The following FBXW11 variants were observed in gnomAD, a reference collection of about 807,000 sequenced individuals.
The protein encoded by FBXW11 is F-box and WD repeat domain containing 11.
A neutral mutation model predicts 77.6 loss-of-function variants in FBXW11; 19 were observed. The ratio of observed to expected loss-of-function variants is 0.24; its 90% CI spans 0.17 to 0.36. FBXW11 has a LOEUF of 0.36. Among genes scored for constraint, FBXW11 ranks in the 10% least tolerant of loss-of-function variants. The pLI, the probability that FBXW11 is intolerant of heterozygous loss-of-function variation, is 1.00. For missense variants in FBXW11, 334 were observed against 704.2 expected (o/e 0.47, Z 5.95); for synonymous variants, 235 against 249.4 (o/e 0.94, Z 0.54).
chr5:171,863,578 G>C lies in FBXW11; in HGVS notation c.*549C>G, dbSNP rs1384771329. 6.6e-6 allele frequency: 1 copy of C among 152,580 alleles called. No individual in the cohort carries two copies. The highest frequency in any genetic ancestry group is 2.4e-5 in the African/African-American group (1 of 41,432). The allele number at this position is 152,580 out of a possible 1,614,324, so 9.5% of individuals were successfully genotyped here. A position where few individuals can be genotyped will look rare whatever the true frequency, so the allele number is the denominator to read the frequency against. On this transcript the variant is annotated 3_prime_UTR_variant, in exon 14 of 14. Transcript: ENST00000517395. ...AAAAATATTACTAAAACAATCCAGAGAAAATTTTCCACTGTCCAACATGTT... is the reference window on the plus strand; with the variant it reads ...AAAAATATTACTAAAACAATCCAGACAAAATTTTCCACTGTCCAACATGTT...
At chr5:171,958,118 C>T (rs956243048) in intron 1 of FBXW11, among the ~76,000 whole-genome samples, 1 of 152,150 alleles carries the variant, frequency 6.6e-6, no homozygotes, top group African/African-American at 2.4e-5. Flanking sequence ...ACAAAAAGTG[C>T]TATTTGCCCA....
intron 3 of FBXW11, among the ~76,000 whole-genome samples, chr5:171,912,972 A>G (rs1017529453): frequency 2.0e-4 from 31 of 152,160 alleles, no homozygotes; most frequent in African/African-American, 7.5e-4. Flanking sequence ...ATCAAGAAAC[A>G]AAAGGCAAGA....
intron 2 of FBXW11, among the ~76,000 whole-genome samples, chr5:171,938,907 G>T (rs183741224): frequency 7.6e-4 from 115 of 152,274 alleles, no homozygotes; most frequent in African/African-American, 2.0e-3. Flanking sequence ...AAGTGCAAAA[G>T]AATATATACT....
chr5:171,890,066 CTT>C (rs1301855743), intron 7 of FBXW11, among the ~76,000 whole-genome samples: 2 of 152,040 alleles, frequency 1.3e-5, no homozygotes, highest in African/African-American at 4.8e-5. Flanking sequence ...TGAAAAGAAA[CTT>C]CACCACAGAA....
intron 1 of FBXW11, among the ~76,000 whole-genome samples, chr5:171,985,822 C>G (rs182733792): frequency 6.6e-6 from 1 of 152,084 alleles, no homozygotes; most frequent in African/African-American, 2.4e-5. Flanking sequence ...TGGCATGCAC[C>G]AGCAGTCCCA....
chr5:171,917,801 AAT>A (rs576977495), intron 2 of FBXW11, among the ~76,000 whole-genome samples: 1 of 95,554 alleles, frequency 1.0e-5, no homozygotes, highest in Non-Finnish European at 2.5e-5. Context: ...TGTGTGTGTA[AAT>A]ATATATATTC....
chr5:172,006,591 G>A lies in FBXW11; in HGVS notation c.-89C>T, dbSNP rs1766796221. ...CGACGGCGGAGGCGGCAGAGGCGGA[G>A]GCGGCTATCGCACCCACTCTAGCTG... On this transcript the variant is annotated 5_prime_UTR_variant, in exon 1 of 14. Coordinates refer to ENST00000517395, the MANE Select transcript of FBXW11 (RefSeq NM_001378974.1). 1 of 1,397,202 alleles carries A rather than the reference G, an allele frequency of 7.2e-7. No individual in the cohort carries two copies. Among genetic ancestry groups the A allele is most frequent in the South Asian group, 1.6e-5 (1 of 63,344 alleles). 86.6% of individuals were successfully genotyped at this position (1,397,202 alleles called of 1,614,324 possible). A position where few individuals can be genotyped will look rare whatever the true frequency, so the allele number is the denominator to read the frequency against.
chr5:171,914,925 C>T (rs1202375778), intron 2 of FBXW11, among the ~76,000 whole-genome samples: 1 of 152,150 alleles, frequency 6.6e-6, no homozygotes, highest in Non-Finnish European at 1.5e-5. Flanking sequence ...TAGCGGGTGC[C>T]CCAACCTTCT....
rs1382914053 is a variant in FBXW11, at chr5:171,876,245, G to T, written c.1221+40C>A. The stretch of plus-strand genomic sequence containing the variant: ...CTCTGCTTTGTCTCTGTTCTAAAAG[G>T]GACAGGAACAGGTAGGGTTATGACT... On this transcript the variant is annotated intron_variant, in intron 9 of 13. Transcript: ENST00000517395. The surrounding 1 kb of genome is among the most constrained non-coding windows in gnomAD (Gnocchi z 4.2). The T allele has an allele frequency of 6.2e-7, 1 of 1,609,520 alleles. No individual in the cohort carries two copies. Among genetic ancestry groups the T allele is most frequent in the African/African-American group, 1.3e-5 (1 of 74,956 alleles).
chr5:171,871,523 C>T (rs1352297411), intron 10 of FBXW11, among the ~76,000 whole-genome samples: 4 of 152,162 alleles, frequency 2.6e-5, no homozygotes, highest in East Asian at 1.9e-4. Flanking sequence ...ACTAGGTACA[C>T]GCAGTGTTCT....
At chr5:171,982,573 A>C (rs1765209219) in intron 1 of FBXW11, among the ~76,000 whole-genome samples, 1 of 152,230 alleles carries the variant, frequency 6.6e-6, no homozygotes, top group South Asian at 2.1e-4. Context: ...AGAAGGGCTA[A>C]ATTTTAAAGG....
intron 4 of FBXW11, among the ~76,000 whole-genome samples, chr5:171,905,229 G>A (rs1215675196): frequency 6.6e-6 from 1 of 152,190 alleles, no homozygotes; most frequent in Non-Finnish European, 1.5e-5. Context: ...TCAACTGCTA[G>A]TTGTGTGACC....
chr5:171,945,660 G>A (rs1762969828), intron 2 of FBXW11, among the ~76,000 whole-genome samples: 1 of 152,136 alleles, frequency 6.6e-6, no homozygotes, highest in Admixed American at 6.5e-5. Flanking sequence ...TCTCTGCGAA[G>A]CACTCACTAT....
At chr5:171,932,872 C>A (rs1762284720) in intron 2 of FBXW11, among the ~76,000 whole-genome samples, 1 of 147,640 alleles carries the variant, frequency 6.8e-6, no homozygotes, top group Non-Finnish European at 1.5e-5. Context: ...GTAATCCCAG[C>A]ACTTTGGGAG....
At chr5:171,872,797 G>T in intron 10 of FBXW11, 75 bp downstream of exon 10, 1 of 1,039,070 alleles carries the variant, frequency 9.6e-7, no homozygotes, top group Non-Finnish European at 1.5e-6. Flanking sequence ...GTTGTTTTGA[G>T]CATTAGAACT....
intron 1 of FBXW11, among the ~76,000 whole-genome samples, chr5:171,969,204 GT>G (rs1280887399): frequency 2.0e-5 from 3 of 152,204 alleles, no homozygotes; most frequent in African/African-American, 7.2e-5. Flanking sequence ...GGAGGCAGAG[GT>G]TGCAGTAAGC....
intron 2 of FBXW11, among the ~76,000 whole-genome samples, chr5:171,927,263 A>C (rs571637081): frequency 2.3e-4 from 35 of 152,368 alleles, no homozygotes; most frequent in African/African-American, 8.2e-4. Context: ...ATGATGCATC[A>C]CTGGACTACA....
intron 5 of FBXW11, 56 bp from the exon 6 acceptor site, chr5:171,899,150 A>G: frequency 8.8e-7 from 1 of 1,137,520 alleles, no homozygotes. Context: ...GGTGAATTTT[A>G]TCTAAACATG....
intron 2 of FBXW11, among the ~76,000 whole-genome samples, chr5:171,944,054 AATTAAGAATAAAG>A (rs1309487901): frequency 2.0e-5 from 3 of 152,184 alleles, no homozygotes; most frequent in Admixed American, 2.0e-4. Context: ...CTTTTTGGAT[AATTAAGAATAAAG>A]ACTCTAAGCA....
Sources: allele counts gnomAD v4.1 joint callset (sites outside exome capture counted in the v4.1 genomes callset), GRCh38; gene constraint gnomAD v4.1.1; non-coding constraint Gnocchi (gnomAD v3.1); transcripts MANE v1.5; gene names NCBI Gene and HGNC (gene_info 2026-07-23, HGNC 2026-07-21).